Variants in ANKS1B observed in about 807,000 individuals in gnomAD.
ANKS1B encodes the protein ankyrin repeat and sterile alpha motif domain containing 1B.
Under a neutral mutation model 148.3 loss-of-function variants are expected in ANKS1B, and 36 were observed. That is an observed-to-expected ratio of 0.24 (90% CI 0.19 to 0.32). The LOEUF (loss-of-function observed/expected upper bound fraction) is 0.32. Among genes scored for constraint, ANKS1B ranks in the 10% least tolerant of loss-of-function variants. The probability of loss-of-function intolerance (pLI) is 1.00; values close to 1 mark genes in which losing one functional copy is unlikely to be tolerated. For synonymous variants in ANKS1B, 542 were observed against 560.8 expected (o/e 0.97, Z 0.47); for missense variants, 1,157 against 1,542.6 (o/e 0.75, Z 4.19).
intron 14 of ANKS1B, among the ~76,000 whole-genome samples, chr12:99,206,422 G>A (rs919696530): frequency 6.6e-6 from 1 of 152,072 alleles, no homozygotes; most frequent in African/African-American, 2.4e-5. Flanking sequence ...ATATATCAAT[G>A]AGGGTTCTCA....
chr12:98,787,682 G>A (rs138788731), intron 22 of ANKS1B, among the ~76,000 whole-genome samples: 1 of 152,190 alleles, frequency 6.6e-6, no homozygotes, highest in Non-Finnish European at 1.5e-5. Context: ...CACGTAGGGA[G>A]GCTGAGGTGG....
At chr12:99,367,640 G>A (rs887840248) in intron 12 of ANKS1B, among the ~76,000 whole-genome samples, 1 of 152,076 alleles carries the variant, frequency 6.6e-6, no homozygotes, top group East Asian at 1.9e-4. Flanking sequence ...AGCAATAATG[G>A]AATAAACAAT....
At chr12:99,334,547 C>T (rs967609645) in intron 12 of ANKS1B, among the ~76,000 whole-genome samples, 3 of 152,028 alleles carry the variant, frequency 2.0e-5, no homozygotes, top group Non-Finnish European at 4.4e-5. Flanking sequence ...ATACCATACA[C>T]AAATTCAAGT....
chr12:98,890,008 C>T (rs984796696), intron 17 of ANKS1B, among the ~76,000 whole-genome samples: 8 of 151,950 alleles, frequency 5.3e-5, no homozygotes, highest in Non-Finnish European at 8.8e-5. Flanking sequence ...GAGCAGCGAA[C>T]GAGAGGAAAG....
intron 1 of ANKS1B, among the ~76,000 whole-genome samples, chr12:99,839,770 T>C (rs1388423742): frequency 6.6e-6 from 1 of 152,146 alleles, no homozygotes; most frequent in Non-Finnish European, 1.5e-5. Context: ...TCAGGTCACA[T>C]GGCCCCTACC....
intron 17 of ANKS1B, among the ~76,000 whole-genome samples, chr12:99,018,026 T>C (rs2099943604): frequency 6.6e-6 from 1 of 152,222 alleles, no homozygotes; most frequent in African/African-American, 2.4e-5. Flanking sequence ...ATGTTTTTCC[T>C]GGACATGCCC....
At chr12:99,968,838 T>C (rs58530596) in intron 1 of ANKS1B, among the ~76,000 whole-genome samples, 33,555 of 151,822 alleles carry the variant, frequency 0.22, 3,995 homozygotes, top group African/African-American at 0.27. Context: ...TGTTTAAAAG[T>C]GTGTGGCACC....
At chr12:99,333,857 T>TTTTTTTTTTGTTTG (rs1266618655) in intron 12 of ANKS1B, among the ~76,000 whole-genome samples, 12 of 145,766 alleles carry the variant, frequency 8.2e-5, no homozygotes, top group Non-Finnish European at 1.5e-4. Flanking sequence ...GTTCTCAGTT[T>TTTTTTTTTTGTTTG]TTTTTTTTTT....
chr12:99,662,011 A>C (rs933306903), intron 8 of ANKS1B, among the ~76,000 whole-genome samples: 2 of 152,218 alleles, frequency 1.3e-5, no homozygotes, highest in Non-Finnish European at 2.9e-5. Context: ...ACAACAAAAT[A>C]GAAGAATCCT....
At chr12:99,945,353 GA>G (rs11289819) in intron 1 of ANKS1B, among the ~76,000 whole-genome samples, 87,016 of 130,630 alleles carry the variant, frequency 0.67, 27,530 homozygotes, top group African/African-American at 0.78. Flanking sequence ...TGTAAAACCA[GA>G]AAAAAAAAAA....
intron 10 of ANKS1B, among the ~76,000 whole-genome samples, chr12:99,453,051 G>C (rs1343773977): frequency 3.3e-5 from 5 of 152,172 alleles, no homozygotes; most frequent in Non-Finnish European, 7.4e-5. Flanking sequence ...AGCACTTTGG[G>C]AGGCCAAGGT....
chr12:99,179,001 A>G (rs2078759586), intron 14 of ANKS1B, among the ~76,000 whole-genome samples: 1 of 152,222 alleles, frequency 6.6e-6, no homozygotes, highest in Admixed American at 6.5e-5. Context: ...GACAATGTAG[A>G]AAAAAAGGTT....
At chr12:99,068,319 G>C (rs1202795971) in intron 16 of ANKS1B, among the ~76,000 whole-genome samples, 1 of 152,142 alleles carries the variant, frequency 6.6e-6, no homozygotes, top group Non-Finnish European at 1.5e-5. Flanking sequence ...CGCAAACCTA[G>C]ATGGTATCAC....
intron 10 of ANKS1B, among the ~76,000 whole-genome samples, chr12:99,471,249 A>G (rs938278687): frequency 3.9e-5 from 6 of 152,008 alleles, no homozygotes; most frequent in African/African-American, 1.4e-4. Context: ...CAAAATCATG[A>G]TTTTTGTTTA....
chr12:98,870,966 G>C (rs548566627), intron 17 of ANKS1B, among the ~76,000 whole-genome samples: 2 of 152,194 alleles, frequency 1.3e-5, no homozygotes, highest in African/African-American at 4.8e-5. Flanking sequence ...AGTAGGGGCA[G>C]GGAAGGTGCC....
At chr12:99,368,687 A>G (rs1413108071) in intron 12 of ANKS1B, among the ~76,000 whole-genome samples, 1 of 152,096 alleles carries the variant, frequency 6.6e-6, no homozygotes, top group East Asian at 1.9e-4. Flanking sequence ...AAAAATTCAC[A>G]ATTTTACAGT....
intron 8 of ANKS1B, among the ~76,000 whole-genome samples, chr12:99,705,924 A>C (rs1457882874): frequency 6.6e-6 from 1 of 152,158 alleles, no homozygotes; most frequent in Admixed American, 6.6e-5. Flanking sequence ...AAAATCAATC[A>C]CAATTAGGAA....
At chr12:99,892,717 C>A (rs2093177413) in intron 1 of ANKS1B, among the ~76,000 whole-genome samples, 5 of 152,200 alleles carry the variant, frequency 3.3e-5, no homozygotes, top group Admixed American at 2.6e-4. Flanking sequence ...CAACCAACCA[C>A]CCCTCTCCTA....
chr12:98,961,245 G>A (rs535675404), intron 17 of ANKS1B, among the ~76,000 whole-genome samples: 290 of 152,094 alleles, frequency 1.9e-3, no homozygotes, highest in Admixed American at 3.0e-3. Flanking sequence ...AGAAAGGTTC[G>A]GAAGAAATAA....
Sources: gnomAD v4.1 joint callset for allele counts (sites outside exome capture counted in the v4.1 genomes callset) on GRCh38, gnomAD v4.1.1 for gene constraint, MANE v1.5 for transcripts, NCBI Gene and HGNC (gene_info 2026-07-23, HGNC 2026-07-21) for gene names.